Variants in OR2AJ1 observed in about 807,000 individuals in gnomAD.
The protein encoded by OR2AJ1 is olfactory receptor 2AJ1.
For synonymous variants in OR2AJ1, 105 were observed against 60.3 expected, an observed-to-expected ratio of 1.74 and a Z score of -3.44; for missense variants, 280 against 163.2, an observed-to-expected ratio of 1.72 and a Z score of -3.90.
rs1276945331 is a variant in OR2AJ1, at chr1:247,934,380, G to A, written c.612G>A (p.Val204=). The change falls in exon 2 of 2, where the codon GTG becomes GTA. Residue 204 remains valine (V), a synonymous_variant. Coordinates refer to ENST00000318244, the MANE Select transcript of OR2AJ1 (RefSeq NM_001355235.2). ...AACGAGGGGTTTGTGTAAGTGCTGT[G>A]ATCTTCCTGCTGATCCCTTTCTCCT... ...RYERGVCVSA[V]IFLLIPFSLI... The A allele has an allele frequency of 8.3e-6, 6 of 719,682 alleles. No individual in the cohort carries two copies. Among genetic ancestry groups the A allele is most frequent in the African/African-American group, 1.7e-5 (1 of 57,314 alleles). 44.6% of individuals were successfully genotyped at this position (719,682 alleles called of 1,614,324 possible). A position where few individuals can be genotyped will look rare whatever the true frequency, so the allele number is the denominator to read the frequency against.
At chr1:247,930,581 C>A (rs7512302) in intron 1 of OR2AJ1, among the ~76,000 whole-genome samples, 6 of 151,930 alleles carry the variant, frequency 3.9e-5, no homozygotes, top group Non-Finnish European at 7.4e-5. Flanking sequence ...GATTCACTAA[C>A]GGGAATAAAC....
Position 247,934,136 on chromosome 1 carries a change from A to G in OR2AJ1, c.368A>G (p.Tyr123Cys), listed in dbSNP as rs1660187219. 1.4e-6 allele frequency: 1 copy of G among 718,926 alleles called. No individual in the cohort carries two copies. Among genetic ancestry groups the G allele is most frequent in the East Asian group, 2.7e-5 (1 of 37,334 alleles). 44.5% of individuals were successfully genotyped at this position (718,926 alleles called of 1,614,324 possible). Residue 123 changes from tyrosine to cysteine, a missense_variant, in exon 2 of 2, where the codon TAT becomes TGT. Physicochemically the swap from Tyr to Cys is radical, Grantham distance 194. Transcript: ENST00000318244. ...CTGGCTGCAATGTCCTGTGATCGCT[A>G]TGTGGCTATCTGTCACCCGCTGCGC... ...LLLAAMSCDR[Y>C]VAICHPLRYP...
At chr1:247,930,534 A>G (rs982294235) in intron 1 of OR2AJ1, among the ~76,000 whole-genome samples, 10 of 152,166 alleles carry the variant, frequency 6.6e-5, no homozygotes, top group African/African-American at 2.2e-4. Flanking sequence ...AGTAAATTCA[A>G]TGGAACATTT....
intron 1 of OR2AJ1, among the ~76,000 whole-genome samples, chr1:247,929,970 G>T (rs1389696847): frequency 2.0e-5 from 3 of 152,218 alleles, no homozygotes; most frequent in African/African-American, 7.2e-5. Flanking sequence ...TCTAGATAAA[G>T]TAATAGTTAA....
chr1:247,933,966 C>A lies in OR2AJ1; in HGVS notation c.198C>A (p.Leu66=), dbSNP rs535863153. The A allele has an allele frequency of 1.4e-6, 1 of 717,542 alleles. No homozygotes were observed. The highest frequency in any genetic ancestry group is 2.7e-5 in the East Asian group (1 of 37,298). 44.4% of individuals were successfully genotyped at this position (717,542 alleles called of 1,614,324 possible). ...CAATGTATTTTCTGCTCAGCCATCT[C>A]TCCTTAATGGATATCTTGCATGTTT... is the stretch of plus-strand genomic sequence containing the variant. ...HTPMYFLLSH[L]SLMDILHVSN... Residue 66 remains leucine, a synonymous_variant, in exon 2 of 2, where the codon CTC becomes CTA. Coordinates refer to ENST00000318244, the MANE Select transcript of OR2AJ1 (RefSeq NM_001355235.2).
rs1660202736 is a variant in OR2AJ1, at chr1:247,935,101, C to G, written c.*346C>G. ...TGTTAAATTATATTGCTAACAATCA[C>G]TTATCAAAAATTCACAAATTCCATA... is the stretch of plus-strand genomic sequence containing the variant. On this transcript the variant is annotated 3_prime_UTR_variant, in exon 2 of 2. Transcript: ENST00000318244. 1 of 179,068 alleles carries G rather than the reference C, an allele frequency of 5.6e-6. No homozygotes were observed. Among genetic ancestry groups the G allele is most frequent in the Admixed American group, 5.7e-5 (1 of 17,396 alleles). 11.1% of individuals were successfully genotyped at this position (179,068 alleles called of 1,614,324 possible). A position where few individuals can be genotyped will look rare whatever the true frequency, so the allele number is the denominator to read the frequency against.
intron 1 of OR2AJ1, among the ~76,000 whole-genome samples, chr1:247,931,556 A>T (rs1660153075): frequency 1.3e-5 from 2 of 152,232 alleles, no homozygotes. Flanking sequence ...TAAGATGATG[A>T]GGGAGATAAG....
intron 1 of OR2AJ1, among the ~76,000 whole-genome samples, 156 bp downstream of exon 1, chr1:247,925,324 A>C (rs908065971): frequency 1.9e-4 from 29 of 152,148 alleles, no homozygotes; most frequent in African/African-American, 7.0e-4. Context: ...TAAGCAGCTA[A>C]ACTGTAGATT....
chr1:247,927,735 A>G (rs1393615899), intron 1 of OR2AJ1, among the ~76,000 whole-genome samples: 1 of 152,100 alleles, frequency 6.6e-6, no homozygotes, highest in Non-Finnish European at 1.5e-5. Flanking sequence ...CTATGAGATC[A>G]GGTTTTTTAA....
Position 247,934,941 on chromosome 1 carries a change from T to C in OR2AJ1, c.*186T>C. ...GGTACCAATTATAATCATGCAACAG[T>C]TACAGGAAGTAGAAGTTACCCAAGG... On this transcript the variant is annotated 3_prime_UTR_variant, in exon 2 of 2. Coordinates refer to ENST00000318244, the MANE Select transcript of OR2AJ1 (RefSeq NM_001355235.2). The C allele has an allele frequency of 1.9e-6, 1 of 515,756 alleles. No individual in the cohort carries two copies. The highest frequency in any genetic ancestry group is 3.4e-6 in the Non-Finnish European group (1 of 295,296). The allele number at this position is 515,756 out of a possible 1,614,324, so 31.9% of individuals were successfully genotyped here. A position where few individuals can be genotyped will look rare whatever the true frequency, so the allele number is the denominator to read the frequency against.
Position 247,934,604 on chromosome 1 carries a change from C to T in OR2AJ1, c.836C>T (p.Thr279Met), listed in dbSNP as rs1265863535. ...GATAAGTTCCTGGCAATATTCTATA[C>T]GATCCTCACACCCACACTCAACCCT... Reference protein sequence around the residue: ...GQDKFLAIFYTILTPTLNPFI... With the variant: ...GQDKFLAIFYMILTPTLNPFI... The change falls in exon 2 of 2, where the codon ACG becomes ATG. Residue 279 changes from threonine to methionine, a missense_variant. Transcript: ENST00000318244. 4 of 717,870 alleles carry T rather than the reference C, an allele frequency of 5.6e-6. No homozygotes were observed. Among genetic ancestry groups the T allele is most frequent in the African/African-American group, 5.2e-5 (3 of 57,364 alleles). The allele number at this position is 717,870 out of a possible 1,614,324, so 44.5% of individuals were successfully genotyped here. A position where few individuals can be genotyped will look rare whatever the true frequency, so the allele number is the denominator to read the frequency against.
At position 247,934,197 on chromosome 1, in the gene OR2AJ1, C is replaced by T. The variant is rs1390945652; in HGVS notation, c.429C>T (p.Leu143=). ...PILMKEYASA[L]MAGGSWLIGV... is the part of the protein sequence containing the mutation. ...TTATGAAGGAGTATGCCAGCGCTCT[C>T]ATGGCTGGAGGCTCCTGGCTCATTG... Residue 143 remains leucine, a synonymous_variant, in exon 2 of 2, where the codon CTC becomes CTT. Transcript: ENST00000318244. 5.6e-6 allele frequency: 4 copies of T among 718,594 alleles called. No individual in the cohort carries two copies. Among genetic ancestry groups the T allele is most frequent in the Middle Eastern group, 4.6e-4 (2 of 4,378 alleles). 44.5% of individuals were successfully genotyped at this position (718,594 alleles called of 1,614,324 possible).
rs1460601424 is a variant in OR2AJ1 at position 247,925,013 on chromosome 1, C to T, written c.-178C>T. On this transcript the variant is annotated 5_prime_UTR_variant, in exon 1 of 2. Coordinates refer to ENST00000318244, the MANE Select transcript of OR2AJ1 (RefSeq NM_001355235.2). ...GGAAATCGCTGAACTGAGTATCACCCAATGCCTCTGAGTCACTCTCAAGGA... is the reference window on the plus strand; with the variant it reads ...GGAAATCGCTGAACTGAGTATCACCTAATGCCTCTGAGTCACTCTCAAGGA... The T allele has an allele frequency of 6.6e-6, 1 of 152,262 alleles. No homozygotes were observed. The allele number at this position is 152,262 out of a possible 1,614,324, so 9.4% of individuals were successfully genotyped here.
intron 1 of OR2AJ1, among the ~76,000 whole-genome samples, chr1:247,929,059 C>G (rs374318447): frequency 1.3e-5 from 2 of 151,868 alleles, no homozygotes; most frequent in Non-Finnish European, 2.9e-5. Context: ...TCACTCACTC[C>G]GTAATGATTG....
At position 247,934,179 on chromosome 1, in the gene OR2AJ1, G is replaced by T; in HGVS notation, c.411G>T (p.Lys137Asn). ...CHPLRYPILM[K>N]EYASALMAGG... ...CGCTGCGCTATCCGATTCTTATGAA[G>T]GAGTATGCCAGCGCTCTCATGGCTG... The change falls in exon 2 of 2, where the codon AAG becomes AAT. Residue 137 changes from lysine to asparagine, a missense_variant. Coordinates refer to ENST00000318244, the MANE Select transcript of OR2AJ1 (RefSeq NM_001355235.2). 2 of 718,510 alleles carry T rather than the reference G, an allele frequency of 2.8e-6. No homozygotes were observed. The highest frequency in any genetic ancestry group is 1.5e-5 in the South Asian group (1 of 67,650). The allele number at this position is 718,510 out of a possible 1,614,324, so 44.5% of individuals were successfully genotyped here.
rs549353727 is a variant in OR2AJ1 at position 247,934,242 on chromosome 1, C to G, written c.474C>G (p.Val158=). The stretch of plus-strand genomic sequence containing the variant: ...TCATTGGGGTTTTCAACTCCACAGT[C>G]CACACAGCTTATGCACTGCAGTTTC... ...SWLIGVFNST[V]HTAYALQFPF... Residue 158 remains valine, a synonymous_variant, in exon 2 of 2, where the codon GTC becomes GTG. Transcript: ENST00000318244. The G allele has an allele frequency of 1.4e-6, 1 of 720,320 alleles. No individual in the cohort carries two copies. The allele number at this position is 720,320 out of a possible 1,614,324, so 44.6% of individuals were successfully genotyped here. A position where few individuals can be genotyped will look rare whatever the true frequency, so the allele number is the denominator to read the frequency against.
intron 1 of OR2AJ1, among the ~76,000 whole-genome samples, chr1:247,929,117 C>T (rs987063252): frequency 6.6e-6 from 1 of 152,088 alleles, no homozygotes; most frequent in Non-Finnish European, 1.5e-5. Context: ...TGAATTAAAA[C>T]ATCAAATGGC....
In OR2AJ1 at chr1:247,924,999, A is replaced by C. The variant is rs1318365795; in HGVS notation, c.-192A>C. 1 of 152,302 alleles carries C rather than the reference A, an allele frequency of 6.6e-6. No homozygotes were observed. The highest frequency in any genetic ancestry group is 1.5e-5 in the Non-Finnish European group (1 of 68,130). The allele number at this position is 152,302 out of a possible 1,614,324, so 9.4% of individuals were successfully genotyped here. ...TCAGCTAATCGGAAGGAAATCGCTGAACTGAGTATCACCCAATGCCTCTGA... is the reference window on the plus strand; with the variant it reads ...TCAGCTAATCGGAAGGAAATCGCTGCACTGAGTATCACCCAATGCCTCTGA... On this transcript the variant is annotated 5_prime_UTR_variant, in exon 1 of 2. Coordinates refer to ENST00000318244, the MANE Select transcript of OR2AJ1 (RefSeq NM_001355235.2).
Position 247,933,867 on chromosome 1 carries a change from C to T in OR2AJ1, c.99C>T (p.Val33=). Residue 33 remains valine, a synonymous_variant, in exon 2 of 2, where the codon GTC becomes GTT. Coordinates refer to ENST00000318244, the MANE Select transcript of OR2AJ1 (RefSeq NM_001355235.2). The part of the protein sequence containing the change: ...TSVVFFLVLF[V]IFIMSVTENT... ...TGGTCTTCTTCTTAGTTTTATTTGT[C>T]ATTTTCATTATGAGTGTAACAGAAA... 1 of 694,370 alleles carries T rather than the reference C, an allele frequency of 1.4e-6. No homozygotes were observed. The highest frequency in any genetic ancestry group is 2.7e-5 in the East Asian group (1 of 36,928). 43.0% of individuals were successfully genotyped at this position (694,370 alleles called of 1,614,324 possible). A position where few individuals can be genotyped will look rare whatever the true frequency, so the allele number is the denominator to read the frequency against.
Sources: allele counts gnomAD v4.1 joint callset (sites outside exome capture counted in the v4.1 genomes callset), GRCh38; gene constraint gnomAD v4.1.1; transcripts MANE v1.5; gene names NCBI Gene and HGNC (gene_info 2026-07-23, HGNC 2026-07-21).